Variants in PRR16 observed in about 807,000 individuals in gnomAD.
PRR16 encodes the protein protein Largen.
PRR16 carries 6 observed loss-of-function variants against 18.2 expected under a neutral mutation model. The observed-to-expected ratio is 0.33, with a 90% CI of 0.18 to 0.65. The LOEUF (loss-of-function observed/expected upper bound fraction) is 0.65. Among genes scored for constraint, PRR16 ranks in the 30% least tolerant of loss-of-function variants. PRR16 has a pLI of 0.74. For synonymous variants in PRR16, 151 were observed against 147.8 expected (o/e 1.02, Z -0.16); for missense variants, 412 against 376.6 (o/e 1.09, Z -0.78).
At chr5:120,685,861 C>T in intron 1 of PRR16, 93 bp from the exon 2 acceptor site, 1 of 1,295,206 alleles carries the variant, frequency 7.7e-7, no homozygotes, top group Non-Finnish European at 1.1e-6. Context: ...GTTAAGGCTT[C>T]CATAGCAGAT....
intron 1 of PRR16, among the ~76,000 whole-genome samples, chr5:120,514,611 T>C (rs1750928668): frequency 6.6e-6 from 1 of 152,206 alleles, no homozygotes; most frequent in African/African-American, 2.4e-5. Context: ...AAGTTCTACC[T>C]TTCACAAAGT....
chr5:120,631,961 A>G (rs1697407945), intron 1 of PRR16, among the ~76,000 whole-genome samples: 1 of 152,102 alleles, frequency 6.6e-6, no homozygotes, highest in Non-Finnish European at 1.5e-5. Context: ...AAACACAACC[A>G]GAGACCCTCA....
intron 1 of PRR16, among the ~76,000 whole-genome samples, chr5:120,596,292 G>A (rs1285613832): frequency 4.0e-5 from 6 of 151,762 alleles, no homozygotes; most frequent in Middle Eastern, 3.4e-3. Context: ...TCTGGATACT[G>A]TGGTACAGTG....
chr5:120,618,612 A>T (rs1754588544), intron 1 of PRR16: 3 of 860,996 alleles, frequency 3.5e-6, no homozygotes, highest in Admixed American at 6.2e-5. Flanking sequence ...TGGACAAAAA[A>T]GGTATACTGA....
chr5:120,634,740 GAAGAA>G (rs1393709681), intron 1 of PRR16, among the ~76,000 whole-genome samples: 1 of 152,008 alleles, frequency 6.6e-6, no homozygotes, highest in East Asian at 1.9e-4. Context: ...AAATCCAGCA[GAAGAA>G]AAGAAATAAC....
chr5:120,654,394 T>C (rs987601539), intron 1 of PRR16, among the ~76,000 whole-genome samples: 3 of 152,016 alleles, frequency 2.0e-5, no homozygotes, highest in Non-Finnish European at 4.4e-5. Context: ...ATGGACTTAC[T>C]AGGAGAAGAC....
chr5:120,482,022 T>C (rs1025115632), intron 1 of PRR16, among the ~76,000 whole-genome samples: 1 of 152,084 alleles, frequency 6.6e-6, no homozygotes, highest in African/African-American at 2.4e-5. Flanking sequence ...ATTACTCCCA[T>C]GCTAAATTAT....
intron 1 of PRR16, among the ~76,000 whole-genome samples, chr5:120,608,109 G>C (rs546474547): frequency 2.6e-5 from 4 of 152,068 alleles, no homozygotes; most frequent in Non-Finnish European, 4.4e-5. Flanking sequence ...AGCATATTTT[G>C]GTGGAAGCCC....
At chr5:120,598,334 A>G (rs988112052) in intron 1 of PRR16, among the ~76,000 whole-genome samples, 5 of 151,902 alleles carry the variant, frequency 3.3e-5, no homozygotes, top group Non-Finnish European at 7.4e-5. Context: ...ATTATCTCCA[A>G]GATATTCTAT....
intron 1 of PRR16, among the ~76,000 whole-genome samples, chr5:120,597,394 A>G (rs1006396453): frequency 6.6e-6 from 1 of 151,636 alleles, no homozygotes; most frequent in Admixed American, 6.6e-5. Context: ...CTAAAATTTT[A>G]TGTATTTTAA....
intron 1 of PRR16, among the ~76,000 whole-genome samples, chr5:120,604,339 G>A (rs1030309722): frequency 1.2e-4 from 18 of 151,900 alleles, no homozygotes; most frequent in Admixed American, 5.9e-4. Context: ...CATTGACGAT[G>A]TAGTTTGTTT....
At chr5:120,530,753 C>T (rs948181296) in intron 1 of PRR16, among the ~76,000 whole-genome samples, 2 of 151,890 alleles carry the variant, frequency 1.3e-5, no homozygotes, top group East Asian at 3.9e-4. Context: ...GAAATTAGTT[C>T]AAAGGAGAAA....
rs1750237239 is a variant in PRR16 at position 120,496,136 on chromosome 5, G to C, written c.159+31491G>C. Among the ~76,000 whole-genome samples, 5 of 152,014 alleles carry C rather than the reference G, an allele frequency of 3.3e-5. No individual in the cohort carries two copies. The South Asian group carries it at 1.0e-3, about 32-fold the overall frequency. ...AAAGTATTACATCCCTTGATTAAAT[G>C]CTACTTGATCATGCTGTATAATTAA... On this transcript the variant is annotated intron_variant, in intron 1 of 1. Transcript: ENST00000407149.
At chr5:120,696,976 A>T in the PRR16 span, among the ~76,000 whole-genome samples, 1 of 12,414 alleles carries the variant, frequency 8.1e-5, no homozygotes. Context: ...ACCTGAACCA[A>T]GAAAATAAAA....
intron 1 of PRR16, among the ~76,000 whole-genome samples, chr5:120,507,351 T>C (rs116041767): frequency 0.016 from 2,505 of 152,274 alleles, 78 homozygotes; most frequent in African/African-American, 0.056. Context: ...GTACATGAAG[T>C]ATTTTACTTA....
intron 1 of PRR16, among the ~76,000 whole-genome samples, chr5:120,643,330 A>G (rs913549242): frequency 2.0e-5 from 3 of 152,090 alleles, no homozygotes; most frequent in African/African-American, 2.4e-5. Flanking sequence ...TCTCTAGCCC[A>G]TTCAAAGTTT....
the PRR16 span, among the ~76,000 whole-genome samples, chr5:120,699,487 G>A: frequency 1.6e-4 from 24 of 152,144 alleles, no homozygotes; most frequent in African/African-American, 5.8e-4. Context: ...GTCTGGGCCA[G>A]GAACAACGGT....
chr5:120,601,742 A>G (rs542604709), intron 1 of PRR16, among the ~76,000 whole-genome samples: 39 of 151,920 alleles, frequency 2.6e-4, no homozygotes, highest in Middle Eastern at 3.4e-3. Context: ...GATTTTTTTA[A>G]TGGTGTAAGG....
chr5:120,574,511 T>C (rs574417890), intron 1 of PRR16, among the ~76,000 whole-genome samples: 7 of 151,904 alleles, frequency 4.6e-5, no homozygotes, highest in Admixed American at 1.3e-4. Context: ...GCCTGAGGCA[T>C]GATAATCACT....
Sources: gnomAD v4.1 joint callset for allele counts (sites outside exome capture counted in the v4.1 genomes callset) on GRCh38, gnomAD v4.1.1 for gene constraint, MANE v1.5 for transcripts, NCBI Gene and HGNC (gene_info 2026-07-23, HGNC 2026-07-21) for gene names.